TET2: variants seen among roughly 807,000 people sequenced by gnomAD.
TET2 encodes the protein tet methylcytosine dioxygenase 2.
A neutral mutation model predicts 142.9 loss-of-function variants in TET2; 299 were observed. That is an observed-to-expected ratio of 2.09 (90% CI 1.90 to 2.30). TET2 has a LOEUF of 2.30. Ranked by LOEUF, TET2 falls within the 30% of genes most tolerant of loss-of-function variation. TET2 has a pLI of 0.00. For synonymous variants in TET2, 819 were observed against 849.0 expected, an observed-to-expected ratio of 0.96 and a Z score of 0.61; for missense variants, 2,418 against 2,378.0, an observed-to-expected ratio of 1.02 and a Z score of -0.35.
chr4:105,182,228 A>G (rs1403477511), intron 1 of TET2, among the ~76,000 whole-genome samples: 1 of 152,216 alleles, frequency 6.6e-6, no homozygotes, highest in Non-Finnish European at 1.5e-5. Context: ...CAGCAGGTGC[A>G]CATGAGTGTG....
chr4:105,221,594 C>G (rs930608335), intron 2 of TET2, among the ~76,000 whole-genome samples: 1 of 152,150 alleles, frequency 6.6e-6, no homozygotes, highest in African/African-American at 2.4e-5. Flanking sequence ...GCAGTGCACA[C>G]GCTGTATGTG....
chr4:105,249,738 A>G (rs1729772226), intron 6 of TET2, among the ~76,000 whole-genome samples: 1 of 152,172 alleles, frequency 6.6e-6, no homozygotes, highest in Non-Finnish European at 1.5e-5. Context: ...TTTTTTGAGA[A>G]AAGTCTACTT....
chr4:105,158,965 A>G (rs1314290580), intron 1 of TET2, among the ~76,000 whole-genome samples: 1 of 152,168 alleles, frequency 6.6e-6, no homozygotes, highest in East Asian at 1.9e-4. Flanking sequence ...GGTCACATCA[A>G]CATTTGACAC....
At position 105,244,879 on chromosome 4, in the gene TET2, C is replaced by T. The variant is rs147382943; in HGVS notation, c.3803+1101C>T. ...AAAGTGCCTTACAGGCATGAGCCGC[C>T]GCGCCTGGCCAGAAATCTTACAAGT... On this transcript the variant is annotated intron_variant, in intron 6 of 10. Coordinates refer to ENST00000380013, the MANE Select transcript of TET2 (RefSeq NM_001127208.3). 2.1e-3 allele frequency among the ~76,000 whole-genome samples: 315 copies of T among 152,308 alleles called. 1 individual carries two copies. The highest frequency in any genetic ancestry group is 7.3e-3 in the African/African-American group (302 of 41,574).
intron 10 of TET2, among the ~76,000 whole-genome samples, chr4:105,273,868 A>G (rs1343815738): frequency 6.6e-6 from 1 of 152,158 alleles, no homozygotes; most frequent in Non-Finnish European, 1.5e-5. Context: ...ATACTAAGTT[A>G]TTGTCTTTCC....
At chr4:105,204,933 C>T (rs2110524242) in intron 2 of TET2, among the ~76,000 whole-genome samples, 1 of 152,142 alleles carries the variant, frequency 6.6e-6, no homozygotes, top group African/African-American at 2.4e-5. Context: ...TTGTTATTAA[C>T]TAATTCTCTT....
chr4:105,149,085 G>A (rs1053280055), intron 1 of TET2, among the ~76,000 whole-genome samples: 1 of 152,216 alleles, frequency 6.6e-6, no homozygotes, highest in Non-Finnish European at 1.5e-5. Flanking sequence ...TACCATTAAT[G>A]CTGTTCATGG....
intron 2 of TET2, among the ~76,000 whole-genome samples, chr4:105,233,068 TA>T (rs2110216558): frequency 6.6e-6 from 1 of 152,150 alleles, no homozygotes; most frequent in African/African-American, 2.4e-5. Context: ...CAGACGGGGC[TA>T]GGGGAGGAGA....
intron 7 of TET2, among the ~76,000 whole-genome samples, chr4:105,260,174 T>G (rs1232160086): frequency 6.6e-6 from 1 of 152,026 alleles, no homozygotes; most frequent in Non-Finnish European, 1.5e-5. Context: ...ATGAATGCAT[T>G]TAATAAAGTC....
intron 2 of TET2, among the ~76,000 whole-genome samples, chr4:105,219,889 T>C (rs1727713339): frequency 6.6e-6 from 1 of 152,130 alleles, no homozygotes; most frequent in African/African-American, 2.4e-5. Context: ...CCCTATTATT[T>C]CTTTGTTTTT....
intron 6 of TET2, among the ~76,000 whole-genome samples, chr4:105,257,627 T>G (rs1405600928): frequency 6.6e-6 from 1 of 152,130 alleles, no homozygotes; most frequent in Non-Finnish European, 1.5e-5. Flanking sequence ...GTGGTGAGAG[T>G]TTAGGGCTTT....
In TET2 at chr4:105,237,545, A is replaced by T. The variant is rs1016037140; in HGVS notation, c.3409+194A>T. On this transcript the variant is annotated intron_variant, in intron 3 of 10. Transcript: ENST00000380013. ...TCTTGTGAAAGAGAACTTCACTTAC[A>T]TGCAGTTTTTCCAAAAGAATTAAAT... 1.9e-5 allele frequency: 29 copies of T among 1,545,050 alleles called. No homozygotes were observed. The African/African-American group carries it at 2.9e-4, about 16-fold the overall frequency.
chr4:105,273,779 C>A lies in TET2; in HGVS notation c.4537+861C>A, dbSNP rs958042498. 6.6e-5 allele frequency among the ~76,000 whole-genome samples: 10 copies of A among 152,242 alleles called. No homozygotes were observed. The East Asian group carries it at 1.9e-3, about 29-fold the overall frequency. ...AGTCTGTGGTTTAGGAGGGGTTCTA[C>A]ATGTAGATTATGCTACAAAACTTTT... On this transcript the variant is annotated intron_variant, in intron 10 of 10. Coordinates refer to ENST00000380013, the MANE Select transcript of TET2 (RefSeq NM_001127208.3).
At chr4:105,146,763 C>G (rs1243245984), upstream of TET2, 1 of 152,064 alleles carries the variant, frequency 6.6e-6, no homozygotes, top group Admixed American at 6.6e-5. Flanking sequence ...CGCTCGCATG[C>G]AAGTCACGTC....
At chr4:105,212,188 T>TA (rs1204602244) in intron 2 of TET2, among the ~76,000 whole-genome samples, 6 of 152,242 alleles carry the variant, frequency 3.9e-5, no homozygotes, top group African/African-American at 1.4e-4. Flanking sequence ...ATGCAGTTTT[T>TA]ATCTAGTCAG....
At chr4:105,180,105 T>C (rs1725029249) in intron 1 of TET2, among the ~76,000 whole-genome samples, 1 of 152,208 alleles carries the variant, frequency 6.6e-6, no homozygotes, top group Non-Finnish European at 1.5e-5. Context: ...TTTCACATCT[T>C]CAAGTGTAAG....
In TET2 at chr4:105,243,724, AGACGCTGAG is replaced by A; in HGVS notation, c.3752_3760del (p.Thr1251_Arg1253del). On this transcript the variant is annotated inframe_deletion, in exon 6 of 11. Transcript: ENST00000380013. ...GACAAACTCTACTCGGAGCTTACCGAGACGCTGAGGAAATACGGCACGCTCACCAATCGC... is the reference window on the plus strand; with the variant it reads ...GACAAACTCTACTCGGAGCTTACCGAGAAATACGGCACGCTCACCAATCGC... 1 of 1,551,522 alleles carries A rather than the reference AGACGCTGAG, an allele frequency of 6.4e-7. No individual in the cohort carries two copies. Among genetic ancestry groups the A allele is most frequent in the Non-Finnish European group, 8.7e-7 (1 of 1,146,904 alleles).
At chr4:105,158,916 T>C (rs1723695965) in intron 1 of TET2, among the ~76,000 whole-genome samples, 1 of 152,168 alleles carries the variant, frequency 6.6e-6, no homozygotes, top group Non-Finnish European at 1.5e-5. Flanking sequence ...GGCTTCTCTT[T>C]GGAAATTGTA....
chr4:105,211,472 AG>A lies in TET2; in HGVS notation c.-47+20968del, dbSNP rs1162123089. Among the ~76,000 whole-genome samples, 3 of 152,208 alleles carry A rather than the reference AG, an allele frequency of 2.0e-5. No individual in the cohort carries two copies. The East Asian group carries it at 5.8e-4, about 29-fold the overall frequency. The stretch of plus-strand genomic sequence containing the variant: ...AAGAATGTTGAAGAGAAGAGGGTCC[AG>A]TCCAGCCCCCTGAGGTGACCAGCAT... On this transcript the variant is annotated intron_variant, in intron 2 of 10. Transcript: ENST00000380013.
Sources: gnomAD v4.1 joint callset for allele counts (sites outside exome capture counted in the v4.1 genomes callset) on GRCh38, gnomAD v4.1.1 for gene constraint, MANE v1.5 for transcripts, NCBI Gene and HGNC (gene_info 2026-07-23, HGNC 2026-07-21) for gene names.